The following PPP2R5E variants were observed in gnomAD, a reference collection of about 807,000 sequenced individuals.
PPP2R5E encodes the protein protein phosphatase 2 regulatory subunit B'epsilon.
A neutral mutation model predicts 65.3 loss-of-function variants in PPP2R5E; 4 were observed. The observed-to-expected ratio is 0.06, with a 90% CI of 0.03 to 0.14. The LOEUF is 0.14. Among genes scored for constraint, PPP2R5E ranks in the 10% least tolerant of loss-of-function variants. The probability of loss-of-function intolerance (pLI) is 1.00; values close to 1 mark genes in which losing one functional copy is unlikely to be tolerated. For synonymous variants in PPP2R5E, 183 were observed against 187.4 expected (o/e 0.98, Z 0.19); for missense variants, 274 against 556.1 (o/e 0.49, Z 5.10).
chr14:63,460,776 A>C (rs565679540), intron 2 of PPP2R5E, among the ~76,000 whole-genome samples: 5 of 152,232 alleles, frequency 3.3e-5, no homozygotes, highest in African/African-American at 7.2e-5. Context: ...GGTCACCACC[A>C]CTAGTACAAA....
intron 2 of PPP2R5E, among the ~76,000 whole-genome samples, chr14:63,517,953 A>T (rs1892733513): frequency 1.3e-5 from 2 of 152,174 alleles, no homozygotes; most frequent in African/African-American, 4.8e-5. Context: ...TATGTTCCCC[A>T]CTATTCCAAG....
At chr14:63,454,605 A>G (rs1422348024) in intron 2 of PPP2R5E, among the ~76,000 whole-genome samples, 3 of 152,220 alleles carry the variant, frequency 2.0e-5, no homozygotes, top group Non-Finnish European at 4.4e-5. Flanking sequence ...TCCCGCAAAC[A>G]GCAGGTCAGA....
intron 2 of PPP2R5E, among the ~76,000 whole-genome samples, chr14:63,517,982 G>C (rs970720337): frequency 6.6e-6 from 1 of 152,072 alleles, no homozygotes; most frequent in East Asian, 1.9e-4. Flanking sequence ...CATAAAATAG[G>C]GAATTAAAAC....
At chr14:63,525,529 G>C (rs1318703697) in intron 2 of PPP2R5E, among the ~76,000 whole-genome samples, 1 of 152,232 alleles carries the variant, frequency 6.6e-6, no homozygotes, top group Non-Finnish European at 1.5e-5. Flanking sequence ...TCCACTCTGA[G>C]TGAGAAAACA....
intron 2 of PPP2R5E, among the ~76,000 whole-genome samples, chr14:63,518,858 T>C (rs2139717176): frequency 6.6e-6 from 1 of 152,266 alleles, no homozygotes; most frequent in African/African-American, 2.4e-5. Flanking sequence ...GAGTAGCCAT[T>C]CTTTTATTCC....
intron 2 of PPP2R5E, among the ~76,000 whole-genome samples, chr14:63,481,019 T>C (rs1005869357): frequency 3.3e-5 from 5 of 152,144 alleles, no homozygotes; most frequent in African/African-American, 7.2e-5. Flanking sequence ...TCAACAATAC[T>C]GAAGGAGGAT....
chr14:63,516,797 T>G (rs1177309452), intron 2 of PPP2R5E, among the ~76,000 whole-genome samples: 2 of 152,236 alleles, frequency 1.3e-5, no homozygotes, highest in Non-Finnish European at 2.9e-5. Flanking sequence ...CAGCTCATAT[T>G]TGGCTAGGCT....
At chr14:63,386,923 CAA>C (rs34820715) in intron 11 of PPP2R5E, among the ~76,000 whole-genome samples, 16 of 122,676 alleles carry the variant, frequency 1.3e-4, no homozygotes, top group Admixed American at 2.6e-4. Flanking sequence ...GACTCCATCT[CAA>C]AAAAAAAAAA....
At chr14:63,495,948 TC>T (rs1362553218) in intron 2 of PPP2R5E, among the ~76,000 whole-genome samples, 1 of 152,150 alleles carries the variant, frequency 6.6e-6, no homozygotes, top group African/African-American at 2.4e-5. Flanking sequence ...CCTCAGCCTT[TC>T]ATAAGCGCTG....
At chr14:63,413,311 T>C (rs1886506757) in intron 5 of PPP2R5E, among the ~76,000 whole-genome samples, 1 of 152,204 alleles carries the variant, frequency 6.6e-6, no homozygotes, top group Non-Finnish European at 1.5e-5. Flanking sequence ...CAGGCTCTAA[T>C]AGAGAATTAC....
chr14:63,523,028 C>G (rs1228822986), intron 2 of PPP2R5E, among the ~76,000 whole-genome samples: 2 of 148,420 alleles, frequency 1.3e-5, no homozygotes, highest in Non-Finnish European at 3.0e-5. Context: ...CCGGCCGCCC[C>G]TACTGGGAAG....
At chr14:63,486,937 T>C (rs1891029447) in intron 2 of PPP2R5E, among the ~76,000 whole-genome samples, 1 of 152,214 alleles carries the variant, frequency 6.6e-6, no homozygotes, top group South Asian at 2.1e-4. Flanking sequence ...AGCACTTAAT[T>C]TGACTGCATG....
At chr14:63,395,312 G>C (rs1277776111) in intron 6 of PPP2R5E, 27 bp from the exon 7 acceptor site, 1 of 1,511,358 alleles carries the variant, frequency 6.6e-7, no homozygotes, top group East Asian at 2.3e-5. Flanking sequence ...AAAGGGAGGA[G>C]AAAGGAGGAG....
At chr14:63,535,870 G>A (rs1893655286) in intron 2 of PPP2R5E, among the ~76,000 whole-genome samples, 1 of 151,832 alleles carries the variant, frequency 6.6e-6, no homozygotes, top group African/African-American at 2.4e-5. Flanking sequence ...TAAGGCAATG[G>A]CCAAAAAAAA....
chr14:63,438,418 T>C (rs377325114), intron 3 of PPP2R5E, among the ~76,000 whole-genome samples: 42 of 152,372 alleles, frequency 2.8e-4, no homozygotes, highest in Admixed American at 1.5e-3. Flanking sequence ...ATGTGCTTAA[T>C]AGATTTCCCA....
chr14:63,434,935 C>G (rs1248257318), intron 3 of PPP2R5E, among the ~76,000 whole-genome samples: 1 of 152,146 alleles, frequency 6.6e-6, no homozygotes, highest in Non-Finnish European at 1.5e-5. Context: ...ATTGGAAAAT[C>G]AGTTAAGTAA....
Position 63,415,158 on chromosome 14 carries a change from A to T in PPP2R5E, c.531T>A (p.Asp177Glu), listed in dbSNP as rs776446375. 1.9e-6 allele frequency: 3 copies of T among 1,589,846 alleles called. No individual in the cohort carries two copies. The South Asian group carries it at 3.3e-5, about 18-fold the overall frequency. ...TGCTTACCTGTAATACAAATTTCTG[A>T]TCTATATATTTTTTGGCAATGCTGG... The part of the protein sequence containing the change: ...FQPSIAKKYI[D>E]QKFVLQLLEL... Residue 177 changes from aspartate to glutamate, a missense_variant, in exon 5 of 14, where the codon GAT (aspartate) becomes GAA (glutamate). By Grantham distance (45) the Asp-to-Glu change is conservative. Transcript: ENST00000337537.
chr14:63,437,508 G>A (rs1208322136), intron 3 of PPP2R5E, among the ~76,000 whole-genome samples: 1 of 151,918 alleles, frequency 6.6e-6, no homozygotes. Flanking sequence ...TGTTATTAAG[G>A]GCAGCACAAA....
In PPP2R5E at chr14:63,396,598, T is replaced by C. The variant is rs200722873; in HGVS notation, c.668A>G (p.Asn223Ser). The C allele has an allele frequency of 6.2e-7, 1 of 1,612,606 alleles. No homozygotes were observed. Among genetic ancestry groups the C allele is most frequent in the East Asian group, 2.2e-5 (1 of 44,872 alleles). Residue 223 changes from asparagine to serine, a missense_variant, in exon 6 of 14, where the codon AAT (asparagine) becomes AGT (serine). Asn to Ser is a conservative substitution (Grantham distance 46). Around this residue, in one of 6 missense-constraint regions of PPP2R5E, gnomAD observed 17 missense variants for 90.3 expected, o/e 0.19. Transcript: ENST00000337537. ...LRAFIRKQIN[N>S]IFLRFVYETE... Reference sequence around the variant, plus strand: ...ACACTCCACTTACCTTAGAAAAATATTGTTAATCTGTTTTCGGATAAATGC... The same window carrying C: ...ACACTCCACTTACCTTAGAAAAATACTGTTAATCTGTTTTCGGATAAATGC...
Sources: gnomAD v4.1 joint callset for allele counts (sites outside exome capture counted in the v4.1 genomes callset) on GRCh38, gnomAD v4.1.1 for gene constraint, gnomAD v4.1.1 regional missense constraint, MANE v1.5 for transcripts, NCBI Gene and HGNC (gene_info 2026-07-23, HGNC 2026-07-21) for gene names.